Variants in CDH7 observed in about 807,000 individuals in gnomAD.
The protein encoded by CDH7 is cadherin 7, also known as cadherin-7.
CDH7 carries 25 observed loss-of-function variants against 71.8 expected under a neutral mutation model. That is an observed-to-expected ratio of 0.35 (90% confidence interval 0.25 to 0.49). The LOEUF is 0.49. Among genes scored for constraint, CDH7 ranks in the 20% least tolerant of loss-of-function variants. The probability of loss-of-function intolerance (pLI) is 0.99; values close to 1 mark genes in which losing one functional copy is unlikely to be tolerated. For missense variants in CDH7, 862 were observed against 974.6 expected (o/e 0.88, Z 1.54); for synonymous variants, 381 against 363.8 (o/e 1.05, Z -0.54).
chr18:65,864,013 A>C (rs969023781), intron 11 of CDH7: 3 of 152,252 alleles, frequency 2.0e-5, no homozygotes, highest in Non-Finnish European at 2.9e-5. Context: ...GCTAAGACCT[A>C]GTTACTAATA....
intron 1 of CDH7, among the ~76,000 whole-genome samples, chr18:65,752,658 G>C (rs1598979274): frequency 6.6e-6 from 1 of 152,318 alleles, no homozygotes; most frequent in East Asian, 1.9e-4. Context: ...CAGGTAGGAA[G>C]ACTGGCAACT....
intron 2 of CDH7, among the ~76,000 whole-genome samples, chr18:65,789,735 G>C (rs943435451): frequency 6.6e-6 from 1 of 152,098 alleles, no homozygotes; most frequent in Non-Finnish European, 1.5e-5. Context: ...TAACAGTTAA[G>C]TATGGAGTTG....
chr18:65,838,514 C>T (rs78767476), intron 6 of CDH7, among the ~76,000 whole-genome samples: 2,787 of 152,186 alleles, frequency 0.018, 82 homozygotes, highest in African/African-American at 0.063. Context: ...CACTATCCAG[C>T]CCTGATAGTG....
intron 2 of CDH7, among the ~76,000 whole-genome samples, chr18:65,806,948 A>G (rs1370724374): frequency 6.6e-6 from 1 of 152,170 alleles, no homozygotes; most frequent in East Asian, 1.9e-4. Context: ...TGCTTACAGT[A>G]ACTTTGCAAA....
chr18:65,784,074 C>T (rs1038820706), intron 2 of CDH7, among the ~76,000 whole-genome samples: 17 of 148,890 alleles, frequency 1.1e-4, no homozygotes, highest in Non-Finnish European at 1.9e-4. Context: ...TCCTCAGCTG[C>T]TTGAGTAGCT....
In CDH7 at chr18:65,880,930, AG is replaced by A; in HGVS notation, c.*37del. The A allele has an allele frequency of 6.5e-7, 1 of 1,531,434 alleles. No individual in the cohort carries two copies. The highest frequency in any genetic ancestry group is 8.8e-7 in the Non-Finnish European group (1 of 1,141,624). 94.9% of individuals were successfully genotyped at this position (1,531,434 alleles called of 1,614,324 possible). The stretch of plus-strand genomic sequence containing the variant: ...TTAATTCGAAATGTACTGAAGAAAA[AG>A]TAACAGCAAAAAATAAAATAAAATG... On this transcript the variant is annotated 3_prime_UTR_variant, in exon 12 of 12. Transcript: ENST00000397968.
chr18:65,788,305 A>C (rs2143850738), intron 2 of CDH7, among the ~76,000 whole-genome samples: 1 of 152,306 alleles, frequency 6.6e-6, no homozygotes, highest in African/African-American at 2.4e-5. Context: ...AAGTTTACAG[A>C]CAGAAGTCTT....
In CDH7 at chr18:65,824,739, A is replaced by C; in HGVS notation, c.889A>C (p.Met297Leu). The C allele has an allele frequency of 6.2e-7, 1 of 1,612,756 alleles. No homozygotes were observed. Among genetic ancestry groups the C allele is most frequent in the Non-Finnish European group, 8.5e-7 (1 of 1,178,978 alleles). The change falls in exon 6 of 12, where the codon ATG (methionine) becomes CTG (leucine). Residue 297 changes from methionine (M) to leucine (L), a missense_variant. Met to Leu is a conservative substitution (Grantham distance 15). Transcript: ENST00000397968. The part of the protein sequence containing the change: ...ADADIGANAE[M>L]EYKIVDGDGL... ...TGCAGATATTGGAGCTAATGCTGAA[A>C]TGGAGTACAAGATTGTGGATGGTGA...
At chr18:65,758,149 G>A (rs1916085352) in intron 1 of CDH7, among the ~76,000 whole-genome samples, 1 of 152,168 alleles carries the variant, frequency 6.6e-6, no homozygotes, top group South Asian at 2.1e-4. Context: ...CTTATAAAGA[G>A]GTTATACAGT....
At chr18:65,799,548 T>C (rs545377806) in intron 2 of CDH7, among the ~76,000 whole-genome samples, 13 of 151,948 alleles carry the variant, frequency 8.6e-5, no homozygotes, top group Non-Finnish European at 1.5e-4. Flanking sequence ...TGGTGGCGGG[T>C]GCCTGTAGTC....
chr18:65,767,702 G>A (rs1349565046), intron 2 of CDH7, among the ~76,000 whole-genome samples: 1 of 152,206 alleles, frequency 6.6e-6, no homozygotes, highest in Non-Finnish European at 1.5e-5. Context: ...TGATAGATGT[G>A]TGGAATTCCT....
At chr18:65,814,338 A>T in intron 3 of CDH7, 147 bp from the exon 4 acceptor site, 1 of 794,788 alleles carries the variant, frequency 1.3e-6, no homozygotes, top group Admixed American at 2.1e-5. Flanking sequence ...ACTTAAAAAA[A>T]TACTGTATCC....
rs114992581 is a variant in CDH7, at chr18:65,808,862, C to T, written c.211-842C>T. ...ATTGTTGAAATGACGGATTGAGTAGCGCGTTTGTCAGGTTATGAAGTTCAG... is the reference window on the plus strand; with the variant it reads ...ATTGTTGAAATGACGGATTGAGTAGTGCGTTTGTCAGGTTATGAAGTTCAG... On this transcript the variant is annotated intron_variant, in intron 2 of 11. Transcript: ENST00000397968. Among the ~76,000 whole-genome samples, 913 of 152,200 alleles carry T rather than the reference C, an allele frequency of 6.0e-3. 13 individuals carry two copies. The highest frequency in any genetic ancestry group is 0.02 in the African/African-American group (836 of 41,534).
chr18:65,783,759 A>G (rs970086902), intron 2 of CDH7, among the ~76,000 whole-genome samples: 1 of 152,132 alleles, frequency 6.6e-6, no homozygotes, highest in African/African-American at 2.4e-5. Flanking sequence ...ACAGCTATTT[A>G]AGGAGTAGTC....
intron 2 of CDH7, among the ~76,000 whole-genome samples, chr18:65,767,885 C>T (rs1916424599): frequency 6.6e-6 from 1 of 151,958 alleles, no homozygotes; most frequent in Non-Finnish European, 1.5e-5. Flanking sequence ...TTAGATTGTG[C>T]CACTAAAATG....
chr18:65,753,546 A>G (rs905298482), intron 1 of CDH7, among the ~76,000 whole-genome samples: 1 of 152,218 alleles, frequency 6.6e-6, no homozygotes, highest in African/African-American at 2.4e-5. Flanking sequence ...AATAACTAAC[A>G]TGCATTAGTT....
chr18:65,789,406 A>T (rs980823533), intron 2 of CDH7, among the ~76,000 whole-genome samples: 1 of 152,206 alleles, frequency 6.6e-6, no homozygotes, highest in Admixed American at 6.5e-5. Flanking sequence ...TAGGACAAAT[A>T]AAAACCAAGA....
intron 4 of CDH7, among the ~76,000 whole-genome samples, chr18:65,821,609 G>T (rs553197552): frequency 6.6e-6 from 1 of 152,234 alleles, no homozygotes; most frequent in East Asian, 1.9e-4. Flanking sequence ...TTGTGTTTGA[G>T]AGCTAGTGTG....
Position 65,824,710 on chromosome 18 carries a change from C to A in CDH7, c.860C>A (p.Ala287Asp), listed in dbSNP as rs1193481444. The change falls in exon 6 of 12, where the codon GCT becomes GAT. Residue 287 changes from alanine to aspartate, a missense_variant. Coordinates refer to ENST00000397968, the MANE Select transcript of CDH7 (RefSeq NM_004361.5). ...TCAGTTGTGGCCAGAATTAAAGCTG[C>A]TGATGCAGATATTGGAGCTAATGCT... ...VASVVARIKA[A>D]DADIGANAEM... 6.2e-7 allele frequency: 1 copy of A among 1,612,128 alleles called. No homozygotes were observed. Among genetic ancestry groups the A allele is most frequent in the Admixed American group, 1.7e-5 (1 of 59,938 alleles).
Sources: gnomAD v4.1 joint callset for allele counts (sites outside exome capture counted in the v4.1 genomes callset) on GRCh38, gnomAD v4.1.1 for gene constraint, MANE v1.5 for transcripts, NCBI Gene and HGNC (gene_info 2026-07-23, HGNC 2026-07-21) for gene names.